The following EFL1 variants were observed in gnomAD, a reference collection of about 807,000 sequenced individuals.
The protein encoded by EFL1 is elongation factor like GTPase 1.
EFL1 carries 76 observed loss-of-function variants against 126.7 expected under a neutral mutation model. The ratio of observed to expected loss-of-function variants is 0.60; its 90% CI spans 0.50 to 0.73. EFL1 has a LOEUF of 0.73. EFL1 is among the 30% of genes least tolerant of loss of function. The pLI is 0.00. For synonymous variants in EFL1, 410 were observed against 448.4 expected (o/e 0.91, Z 1.08); for missense variants, 1,128 against 1,343.2 (o/e 0.84, Z 2.50).
chr15:82,218,048 G>T (rs2074669750), intron 14 of EFL1, among the ~76,000 whole-genome samples: 1 of 152,132 alleles, frequency 6.6e-6, no homozygotes, highest in South Asian at 2.1e-4. Flanking sequence ...TTGGAAGCAG[G>T]TTCTTCATCA....
At chr15:82,202,178 G>GAATC (rs1356889980) in intron 15 of EFL1, among the ~76,000 whole-genome samples, 1 of 152,156 alleles carries the variant, frequency 6.6e-6, no homozygotes, top group Non-Finnish European at 1.5e-5. Context: ...AACAGACAGT[G>GAATC]AATCTGATTT....
chr15:82,228,397 T>G, intron 9 of EFL1, 70 bp from the exon 10 acceptor site: 1 of 1,508,694 alleles, frequency 6.6e-7, no homozygotes, highest in Non-Finnish European at 8.9e-7. Context: ...GAACCCAACA[T>G]TATTTGGCAT....
At chr15:82,234,884 T>C (rs2074856971) in intron 7 of EFL1, among the ~76,000 whole-genome samples, 1 of 152,214 alleles carries the variant, frequency 6.6e-6, no homozygotes, top group African/African-American at 2.4e-5. Flanking sequence ...GACATTTTTC[T>C]CAAAGTAATA....
chr15:82,188,379 T>C (rs1369852084), intron 15 of EFL1, among the ~76,000 whole-genome samples: 1 of 152,254 alleles, frequency 6.6e-6, no homozygotes, highest in African/African-American at 2.4e-5. Flanking sequence ...TTTTTTGTTA[T>C]GTTTTGTTTT....
chr15:82,233,208 A>T (rs955725940), intron 7 of EFL1, among the ~76,000 whole-genome samples: 1 of 152,144 alleles, frequency 6.6e-6, no homozygotes, highest in Admixed American at 6.5e-5. Flanking sequence ...TCCCGTAGTT[A>T]CTACAAAATT....
chr15:82,146,945 G>A (rs2073853160), intron 18 of EFL1, among the ~76,000 whole-genome samples: 1 of 152,090 alleles, frequency 6.6e-6, no homozygotes, highest in South Asian at 2.1e-4. Context: ...GGCCAAGTGG[G>A]GAGTGCCAGG....
At chr15:82,256,054 G>A (rs980774923) in intron 3 of EFL1, among the ~76,000 whole-genome samples, 2 of 152,098 alleles carry the variant, frequency 1.3e-5, no homozygotes, top group African/African-American at 2.4e-5. Flanking sequence ...CAGCCAATAC[G>A]TAAATATGGT....
intron 15 of EFL1, among the ~76,000 whole-genome samples, chr15:82,179,939 G>A (rs2074232775): frequency 6.6e-6 from 1 of 152,004 alleles, no homozygotes; most frequent in Non-Finnish European, 1.5e-5. Context: ...TAAATACTAG[G>A]TCCCTGGTCT....
At chr15:82,183,607 T>A (rs566077983) in intron 15 of EFL1, among the ~76,000 whole-genome samples, 27 of 152,296 alleles carry the variant, frequency 1.8e-4, no homozygotes, top group Non-Finnish European at 3.5e-4. Context: ...TGGAAGGAGC[T>A]GGGAGAAATG....
In EFL1 at chr15:82,205,721, G is replaced by A. The variant is rs764337803; in HGVS notation, c.1750+8996C>T. On this transcript the variant is annotated intron_variant, in intron 15 of 19. Transcript: ENST00000268206. ...TTAAATGTCATTTAAGAGTAAAAGA[G>A]GAATATACTCTTTGAAGATGGAGGG... is the stretch of plus-strand genomic sequence containing the variant. Among the ~76,000 whole-genome samples the A allele has an allele frequency of 2.0e-5, 3 of 152,130 alleles. No homozygotes were observed. In the East Asian group the frequency reaches 5.8e-4, roughly 29 times the overall value.
chr15:82,241,196 T>C lies in EFL1; in HGVS notation c.378+74A>G, dbSNP rs988695495. 1.6e-5 allele frequency: 25 copies of C among 1,550,408 alleles called. No homozygotes were observed. The African/African-American group carries it at 3.1e-4, about 19-fold the overall frequency. The stretch of plus-strand genomic sequence containing the variant: ...ACCAATGTTGTGATTGTCAGTGAAA[T>C]GCCTAAAGTCAGTCAGTTCCCCCTC... On this transcript the variant is annotated intron_variant, in intron 5 of 19. Transcript: ENST00000268206.
chr15:82,181,562 G>A (rs904540689), intron 15 of EFL1, among the ~76,000 whole-genome samples: 2 of 151,940 alleles, frequency 1.3e-5, no homozygotes, highest in Non-Finnish European at 2.9e-5. Flanking sequence ...ACTCTTCATC[G>A]GGAAAGTATG....
chr15:82,217,085 A>G (rs2074655400), intron 14 of EFL1, among the ~76,000 whole-genome samples: 1 of 152,182 alleles, frequency 6.6e-6, no homozygotes, highest in Non-Finnish European at 1.5e-5. Context: ...AAAGAGTTAT[A>G]AAGAAAATGT....
chr15:82,229,023 AAG>A lies in EFL1; in HGVS notation c.932+9_932+10del. The A allele has an allele frequency of 3.1e-6, 5 of 1,604,216 alleles. No homozygotes were observed. The highest frequency in any genetic ancestry group is 4.3e-6 in the Non-Finnish European group (5 of 1,174,864). On this transcript the variant is annotated intron_variant, in intron 9 of 19. Coordinates refer to ENST00000268206, the MANE Select transcript of EFL1 (RefSeq NM_024580.6). The stretch of plus-strand genomic sequence containing the variant: ...CTAAAGATGCCTAAAGGTAAACAAT[AAG>A]AGTCTTACTTTTTCAAAACAGCATC...
intron 15 of EFL1, among the ~76,000 whole-genome samples, chr15:82,172,360 G>A (rs2074145512): frequency 6.6e-6 from 1 of 152,176 alleles, no homozygotes; most frequent in African/African-American, 2.4e-5. Context: ...GCACAATTGT[G>A]TACCAACAGC....
Position 82,220,154 on chromosome 15 carries a change from T to C in EFL1, c.1368A>G (p.Ala456=), listed in dbSNP as rs367728750. 3.4e-4 allele frequency: 547 copies of C among 1,613,862 alleles called. No homozygotes were observed. The highest frequency in any genetic ancestry group is 2.6e-3 in the African/African-American group (198 of 75,016). ...TGGGCTCCAAGGGTGCCTGTCCCTG[T>C]GCTGCTGCAAGCTTCTCTGCATGCC... ...RQRHAEKLAA[A]QGQAPLEPTQ... The change falls in exon 13 of 20, where the codon GCA becomes GCG. Residue 456 remains alanine (A), a synonymous_variant. Transcript: ENST00000268206.
intron 16 of EFL1, among the ~76,000 whole-genome samples, chr15:82,161,204 T>C (rs781525649): frequency 2.0e-5 from 3 of 151,558 alleles, no homozygotes; most frequent in Non-Finnish European, 4.4e-5. Context: ...AGAGAGGACA[T>C]GGGGATACGT....
chr15:82,235,534 G>C (rs926334459), intron 7 of EFL1, among the ~76,000 whole-genome samples: 6 of 151,852 alleles, frequency 4.0e-5, no homozygotes, highest in Non-Finnish European at 8.8e-5. Flanking sequence ...TGCAAGACTG[G>C]CTCAATATTA....
chr15:82,161,617 C>G (rs940003836), intron 16 of EFL1, among the ~76,000 whole-genome samples: 8 of 152,138 alleles, frequency 5.3e-5, no homozygotes, highest in Admixed American at 5.2e-4. Flanking sequence ...TAGCAATACT[C>G]CTTTTAAAAT....
Sources: gnomAD v4.1 joint callset for allele counts (sites outside exome capture counted in the v4.1 genomes callset) on GRCh38, gnomAD v4.1.1 for gene constraint, MANE v1.5 for transcripts, NCBI Gene and HGNC (gene_info 2026-07-23, HGNC 2026-07-21) for gene names.